Variants in MTREX observed in about 807,000 individuals in gnomAD.
MTREX encodes the protein exosome RNA helicase MTR4.
A neutral mutation model predicts 135.4 loss-of-function variants in MTREX; 76 were observed. The ratio of observed to expected loss-of-function variants is 0.56; its 90% confidence interval spans 0.47 to 0.68. The LOEUF (loss-of-function observed/expected upper bound fraction) is 0.68. Ranked by LOEUF, MTREX falls within the 30% of genes least tolerant of loss-of-function variation. MTREX has a pLI of 0.00. For missense variants in MTREX, 920 were observed against 1,262.1 expected (o/e 0.73, Z 4.11); for synonymous variants, 404 against 401.6 (o/e 1.01, Z -0.07).
rs890023554 is a variant in MTREX, at chr5:55,424,843, G to A, written c.*71G>A. 4 of 1,094,710 alleles carry A rather than the reference G, an allele frequency of 3.7e-6. No homozygotes were observed. In the East Asian group the frequency reaches 7.1e-5, roughly 19 times the overall value. The allele number at this position is 1,094,710 out of a possible 1,614,324, so 67.8% of individuals were successfully genotyped here. ...TGATTACAGTTGACTACAAATGCCT[G>A]CAAGTGTGGATTTGGTTCTCCCATA... is the stretch of plus-strand genomic sequence containing the variant. On this transcript the variant is annotated 3_prime_UTR_variant, in exon 27 of 27. Transcript: ENST00000230640.
rs554697345 is a variant in MTREX, at chr5:55,370,944, G to A, written c.1810+4069G>A. ...TTTTATTCATTGTAACAAATAGATG[G>A]CTCACATACATGAGATGTTTTTCAT... is the stretch of plus-strand genomic sequence containing the variant. On this transcript the variant is annotated intron_variant, in intron 16 of 26. Coordinates refer to ENST00000230640, the MANE Select transcript of MTREX (RefSeq NM_015360.5). 3.3e-5 allele frequency among the ~76,000 whole-genome samples: 5 copies of A among 152,214 alleles called. No individual in the cohort carries two copies. The South Asian group carries it at 1.0e-3, about 32-fold the overall frequency.
intron 17 of MTREX, 97 bp downstream of exon 17, chr5:55,378,583 T>G (rs1750344606): frequency 4.7e-6 from 6 of 1,284,476 alleles, no homozygotes; most frequent in Admixed American, 2.7e-5. Flanking sequence ...GATAAAATGC[T>G]TCCTGCTACA....
chr5:55,382,350 T>G (rs1235757641), intron 18 of MTREX, among the ~76,000 whole-genome samples: 1 of 152,118 alleles, frequency 6.6e-6, no homozygotes, highest in Non-Finnish European at 1.5e-5. Context: ...TATGTATATT[T>G]ATATAGCGAG....
intron 20 of MTREX, among the ~76,000 whole-genome samples, chr5:55,398,363 A>G (rs2111586764): frequency 6.6e-6 from 1 of 152,328 alleles, no homozygotes; most frequent in East Asian, 1.9e-4. Context: ...AGCAAAGATA[A>G]GTAGGATGCT....
At position 55,379,118 on chromosome 5, in the gene MTREX, T is replaced by C. The variant is rs1000714683; in HGVS notation, c.1984-9T>C. On this transcript the variant is annotated splice_polypyrimidine_tract_variant and intron_variant, in intron 17 of 26. Transcript: ENST00000230640. ...TGATTCTTGCTTACTTGCTTTTCTT[T>C]CTTTTTAGGTAAAGAATGAAGGAGA... 4 of 1,603,578 alleles carry C rather than the reference T, an allele frequency of 2.5e-6. No homozygotes were observed. The highest frequency in any genetic ancestry group is 3.4e-6 in the Non-Finnish European group (4 of 1,173,074).
chr5:55,384,231 T>C (rs953908519), intron 18 of MTREX, among the ~76,000 whole-genome samples: 1 of 152,272 alleles, frequency 6.6e-6, no homozygotes, highest in Non-Finnish European at 1.5e-5. Flanking sequence ...ATAATCTCCA[T>C]CAATAGTCTA....
chr5:55,329,273 C>T (rs1009904344), intron 5 of MTREX: 1 of 152,254 alleles, frequency 6.6e-6, no homozygotes, highest in African/African-American at 2.4e-5. Flanking sequence ...TCAGGCGATC[C>T]TCCTGCCTCA....
In MTREX at chr5:55,409,259, G is replaced by GAT. The variant is rs142914070; in HGVS notation, c.2646-1252_2646-1251dup. ...CTCTGCTGAACAATATATTTCTAGG[G>GAT]ATATATATATATATGAGATTATTAT... On this transcript the variant is annotated intron_variant, in intron 22 of 26. Transcript: ENST00000230640. 3.4e-3 allele frequency among the ~76,000 whole-genome samples: 516 copies of GAT among 150,922 alleles called. 3 individuals carry two copies. Among genetic ancestry groups the GAT allele is most frequent in the African/African-American group, 0.011 (438 of 41,194 alleles).
chr5:55,366,286 C>G (rs1750102196), intron 15 of MTREX, among the ~76,000 whole-genome samples: 2 of 152,262 alleles, frequency 1.3e-5, no homozygotes, highest in South Asian at 4.1e-4. Flanking sequence ...CCCAGGAGTT[C>G]AAGACCAGTC....
intron 14 of MTREX, among the ~76,000 whole-genome samples, chr5:55,355,025 A>C (rs889452459): frequency 6.6e-6 from 1 of 152,214 alleles, no homozygotes. Flanking sequence ...GTCAGTGCCC[A>C]GCCACCCAGG....
intron 1 of MTREX, among the ~76,000 whole-genome samples, chr5:55,309,302 T>C (rs1407746119): frequency 6.6e-6 from 1 of 152,202 alleles, no homozygotes; most frequent in Admixed American, 6.5e-5. Flanking sequence ...TTTAAAACCC[T>C]GTTGAACAAG....
At chr5:55,413,115 G>A (rs1451539008) in intron 23 of MTREX, among the ~76,000 whole-genome samples, 1 of 152,066 alleles carries the variant, frequency 6.6e-6, no homozygotes, top group Non-Finnish European at 1.5e-5. Context: ...GCTGAGGCGG[G>A]CAGATCATGA....
At chr5:55,328,134 G>A (rs549885323) in intron 4 of MTREX, among the ~76,000 whole-genome samples, 12 of 152,030 alleles carry the variant, frequency 7.9e-5, no homozygotes, top group South Asian at 2.1e-4. Flanking sequence ...TTTTTTAGAC[G>A]GATTTGGAAG....
intron 18 of MTREX, among the ~76,000 whole-genome samples, chr5:55,382,297 T>C (rs1391568472): frequency 6.6e-6 from 1 of 152,114 alleles, no homozygotes; most frequent in Non-Finnish European, 1.5e-5. Context: ...TTTAAAGATT[T>C]CATATATATA....
intron 16 of MTREX, among the ~76,000 whole-genome samples, chr5:55,368,844 T>A (rs1282290207): frequency 6.6e-6 from 1 of 152,232 alleles, no homozygotes; most frequent in Non-Finnish European, 1.5e-5. Flanking sequence ...TCTTAAAATG[T>A]GAGCTGGATG....
intron 1 of MTREX, among the ~76,000 whole-genome samples, chr5:55,318,651 G>C (rs1749237805): frequency 6.6e-6 from 1 of 152,106 alleles, no homozygotes; most frequent in Non-Finnish European, 1.5e-5. Context: ...GAGCAGAAAA[G>C]ATAACTGTTG....
At chr5:55,415,233 A>G (rs774520831) in intron 24 of MTREX, among the ~76,000 whole-genome samples, 127 of 152,058 alleles carry the variant, frequency 8.4e-4, no homozygotes, top group Non-Finnish European at 1.5e-3. Flanking sequence ...AAAAAAGAAA[A>G]AAAAAACCTG....
intron 7 of MTREX, 74 bp from the exon 8 acceptor site, chr5:55,343,257 T>C (rs1749679620): frequency 7.7e-7 from 1 of 1,301,296 alleles, no homozygotes; most frequent in Non-Finnish European, 1.1e-6. Context: ...CTTCAGAGAA[T>C]ATAATTTTAG....
chr5:55,311,969 T>G (rs1192399930), intron 1 of MTREX, among the ~76,000 whole-genome samples: 1 of 152,200 alleles, frequency 6.6e-6, no homozygotes, highest in African/African-American at 2.4e-5. Context: ...AGATTCAGGT[T>G]CAGTTTACTT....
Sources: allele counts gnomAD v4.1 joint callset (sites outside exome capture counted in the v4.1 genomes callset), GRCh38; gene constraint gnomAD v4.1.1; transcripts MANE v1.5; gene names NCBI Gene and HGNC (gene_info 2026-07-23, HGNC 2026-07-21).